The following ZEB1 variants were observed in gnomAD, a reference collection of about 807,000 sequenced individuals.
The protein encoded by ZEB1 is zinc finger E-box-binding homeobox 1.
A neutral mutation model predicts 84.9 loss-of-function variants in ZEB1; 21 were observed. The ratio of observed to expected loss-of-function variants is 0.25; its 90% CI spans 0.18 to 0.36. The LOEUF (loss-of-function observed/expected upper bound fraction) is 0.36, where lower values mean the gene tolerates loss of function less well. Among genes scored for constraint, ZEB1 ranks in the 10% least tolerant of loss-of-function variants. The pLI is 1.00. For missense variants in ZEB1, 1,104 were observed against 1,330.2 expected (o/e 0.83, Z 2.65); for synonymous variants, 420 against 471.1 (o/e 0.89, Z 1.41).
At chr10:31,393,016 T>C (rs1025489947) in intron 1 of ZEB1, among the ~76,000 whole-genome samples, 7 of 152,088 alleles carry the variant, frequency 4.6e-5, no homozygotes, top group Admixed American at 3.3e-4. Context: ...TCTGTGTTTT[T>C]TGTTGAGACG....
chr10:31,362,304 C>T (rs960710930), intron 1 of ZEB1, among the ~76,000 whole-genome samples: 4 of 151,366 alleles, frequency 2.6e-5, no homozygotes, highest in African/African-American at 7.3e-5. Context: ...GGCAGAGGCG[C>T]GCCTCACTTC....
At chr10:31,416,970 A>G (rs1424338003) in intron 1 of ZEB1, among the ~76,000 whole-genome samples, 1 of 152,114 alleles carries the variant, frequency 6.6e-6, no homozygotes, top group Non-Finnish European at 1.5e-5. Flanking sequence ...TCATCTTTTT[A>G]TACCTGGTTT....
At chr10:31,388,029 T>G (rs915342469) in intron 1 of ZEB1, among the ~76,000 whole-genome samples, 5 of 152,180 alleles carry the variant, frequency 3.3e-5, no homozygotes, top group African/African-American at 1.2e-4. Flanking sequence ...TATTGTTAAC[T>G]AATATAATCT....
chr10:31,399,703 T>C (rs2051548586), intron 1 of ZEB1, among the ~76,000 whole-genome samples: 1 of 152,184 alleles, frequency 6.6e-6, no homozygotes, highest in African/African-American at 2.4e-5. Context: ...CCATATTATG[T>C]CACTCTTTTG....
chr10:31,457,941 A>G (rs1368582440), intron 1 of ZEB1, among the ~76,000 whole-genome samples: 1 of 152,174 alleles, frequency 6.6e-6, no homozygotes, highest in African/African-American at 2.4e-5. Context: ...ATATAATGCT[A>G]GGCTGCAATA....
intron 1 of ZEB1, among the ~76,000 whole-genome samples, chr10:31,337,683 G>GTTTTTTTTT (rs756379165): frequency 3.4e-4 from 34 of 98,796 alleles, no homozygotes; most frequent in African/African-American, 6.9e-4. Flanking sequence ...ATTTCTTTCT[G>GTTTTTTTTT]TTTTTTTTTT....
At chr10:31,407,430 A>G (rs1037139467) in intron 1 of ZEB1, among the ~76,000 whole-genome samples, 1 of 151,814 alleles carries the variant, frequency 6.6e-6, no homozygotes, top group African/African-American at 2.4e-5. Flanking sequence ...TGACCTCATC[A>G]TTTTTTATGG....
chr10:31,369,965 G>A (rs556604835), intron 1 of ZEB1, among the ~76,000 whole-genome samples: 10 of 152,106 alleles, frequency 6.6e-5, no homozygotes, highest in African/African-American at 1.2e-4. Flanking sequence ...TAGTGATGCC[G>A]AGCATTTTTT....
Position 31,356,356 on chromosome 10 carries a change from A to G in ZEB1, c.58+37064A>G, listed in dbSNP as rs191106786. 4.1e-3 allele frequency among the ~76,000 whole-genome samples: 604 copies of G among 147,360 alleles called. 2 individuals carry two copies. Among genetic ancestry groups the G allele is most frequent in the South Asian group, 6.2e-3 (30 of 4,812 alleles). Reference sequence around the variant, plus strand: ...AATTTTGGACATATATGATGTGTATATATATATATATATAGTGCAGGTCAT... The same window carrying G: ...AATTTTGGACATATATGATGTGTATGTATATATATATATAGTGCAGGTCAT... On this transcript the variant is annotated intron_variant, in intron 1 of 8. Transcript: ENST00000424869.
intron 1 of ZEB1, among the ~76,000 whole-genome samples, chr10:31,443,837 A>T (rs895368723): frequency 2.5e-4 from 38 of 151,050 alleles, no homozygotes; most frequent in Admixed American, 1.3e-4. Flanking sequence ...GTTGGCTCCA[A>T]GTCTTTGCTA....
intron 1 of ZEB1, among the ~76,000 whole-genome samples, chr10:31,450,528 T>C (rs1481989634): frequency 6.6e-6 from 1 of 152,164 alleles, no homozygotes. Context: ...ATAATTTTGC[T>C]TCTCCTTTCT....
At chr10:31,318,799 G>A (rs1016031082), upstream of ZEB1, 1 of 248,608 alleles carries the variant, frequency 4.0e-6, no homozygotes, top group Non-Finnish European at 8.2e-6. Flanking sequence ...GAGGGCACAG[G>A]GTACAGGGAG....
chr10:31,319,304 A>G lies in ZEB1; in HGVS notation c.58+12A>G. 1 of 1,598,716 alleles carries G rather than the reference A, an allele frequency of 6.3e-7. No homozygotes were observed. The highest frequency in any genetic ancestry group is 8.5e-7 in the Non-Finnish European group (1 of 1,174,312). Reference sequence around the variant, plus strand: ...GCGGCGCAATAACGGTGAGTGGCGGAGGGGACCGGGGAGCGGCGGAGTCAG... The same window carrying G: ...GCGGCGCAATAACGGTGAGTGGCGGGGGGGACCGGGGAGCGGCGGAGTCAG... On this transcript the variant is annotated intron_variant, in intron 1 of 8. Transcript: ENST00000424869.
rs377683300 is a variant in ZEB1, at chr10:31,337,269, C to A, written c.58+17977C>A. 2.3e-4 allele frequency among the ~76,000 whole-genome samples: 35 copies of A among 151,840 alleles called. No individual in the cohort carries two copies. In the East Asian group the frequency reaches 3.3e-3, roughly 14 times the overall value. ...TATATTGTTTAAGGATACCAATACA[C>A]ATAATACAAGTCTATGATAAACATA... On this transcript the variant is annotated intron_variant, in intron 1 of 8. Transcript: ENST00000424869.
chr10:31,390,497 C>T lies in ZEB1; in HGVS notation c.59-70540C>T, dbSNP rs372624199. Among the ~76,000 whole-genome samples the T allele has an allele frequency of 4.7e-4, 72 of 152,198 alleles. 1 individual carries two copies. The highest frequency in any genetic ancestry group is 1.6e-3 in the African/African-American group (66 of 41,532). Reference sequence around the variant, plus strand: ...TTATTACATTAAGATATAAGGTTTACGAAATTTTACAATTTTTGAATGATT... The same window carrying T: ...TTATTACATTAAGATATAAGGTTTATGAAATTTTACAATTTTTGAATGATT... On this transcript the variant is annotated intron_variant, in intron 1 of 8. Coordinates refer to ENST00000424869, the MANE Select transcript of ZEB1 (RefSeq NM_001174096.2).
intron 1 of ZEB1, among the ~76,000 whole-genome samples, chr10:31,378,296 A>C (rs1390213491): frequency 6.6e-6 from 1 of 151,488 alleles, no homozygotes; most frequent in Admixed American, 6.6e-5. Flanking sequence ...TGAGTAAAAA[A>C]GTATATGTAT....
At chr10:31,464,745 A>T (rs2062194258) in intron 2 of ZEB1, among the ~76,000 whole-genome samples, 1 of 152,248 alleles carries the variant, frequency 6.6e-6, no homozygotes, top group African/African-American at 2.4e-5. Context: ...TGCCAAAAGA[A>T]AAACACTGCT....
chr10:31,481,993 A>C (rs1434753931), intron 2 of ZEB1, among the ~76,000 whole-genome samples: 1 of 152,064 alleles, frequency 6.6e-6, no homozygotes, highest in East Asian at 1.9e-4. Context: ...TAAGTGGGTG[A>C]AAGTGTCATG....
At chr10:31,423,728 A>T (rs1317953631) in intron 1 of ZEB1, among the ~76,000 whole-genome samples, 1 of 152,088 alleles carries the variant, frequency 6.6e-6, no homozygotes, top group African/African-American at 2.4e-5. Context: ...TTCATCCAGA[A>T]AACTTCAGGG....
Sources: gnomAD v4.1 joint callset for allele counts (sites outside exome capture counted in the v4.1 genomes callset) on GRCh38, gnomAD v4.1.1 for gene constraint, MANE v1.5 for transcripts, NCBI Gene and HGNC (gene_info 2026-07-23, HGNC 2026-07-21) for gene names.